Variants in ATP2C1 observed in about 807,000 individuals in gnomAD.
The protein encoded by ATP2C1 is calcium-transporting ATPase type 2C member 1.
A neutral mutation model predicts 120.5 loss-of-function variants in ATP2C1; 31 were observed. The ratio of observed to expected loss-of-function variants is 0.26; its 90% CI spans 0.19 to 0.35. The LOEUF is 0.35. Among genes scored for constraint, ATP2C1 ranks in the 10% least tolerant of loss-of-function variants. The pLI is 1.00. For missense variants in ATP2C1, 731 were observed against 1,107.5 expected (o/e 0.66, Z 4.83); for synonymous variants, 351 against 358.7 (o/e 0.98, Z 0.24).
At chr3:130,963,026 A>G (rs2060892680) in intron 12 of ATP2C1, 1 of 152,030 alleles carries the variant, frequency 6.6e-6, no homozygotes. Flanking sequence ...CAGTGGTAGA[A>G]TGAAGGGTTA....
chr3:130,887,455 G>A (rs1172375599), intron 1 of ATP2C1, among the ~76,000 whole-genome samples: 2 of 152,164 alleles, frequency 1.3e-5, no homozygotes, highest in African/African-American at 4.8e-5. Context: ...CAGAGATGGT[G>A]TATGGGAGCT....
intron 17 of ATP2C1, among the ~76,000 whole-genome samples, chr3:130,971,933 C>G (rs2061332920): frequency 6.6e-6 from 1 of 152,168 alleles, no homozygotes; most frequent in African/African-American, 2.4e-5. Flanking sequence ...GCTGGCATCT[C>G]CCTACTGTCA....
intron 2 of ATP2C1, among the ~76,000 whole-genome samples, chr3:130,915,685 C>T (rs1490596073): frequency 6.6e-6 from 1 of 151,926 alleles, no homozygotes; most frequent in Non-Finnish European, 1.5e-5. Flanking sequence ...TGTCGCAAGC[C>T]AACACAAAAA....
intron 20 of ATP2C1, among the ~76,000 whole-genome samples, chr3:130,986,184 CTTT>C (rs34877609): frequency 5.2e-5 from 7 of 135,140 alleles, no homozygotes; most frequent in Non-Finnish European, 7.8e-5. Flanking sequence ...TTGAATAGGG[CTTT>C]TTTTTTTTTT....
intron 1 of ATP2C1, among the ~76,000 whole-genome samples, chr3:130,874,206 A>G (rs1407518410): frequency 6.6e-6 from 1 of 152,142 alleles, no homozygotes; most frequent in Non-Finnish European, 1.5e-5. Context: ...AAGATCATCA[A>G]TGTTTAAGAA....
intron 13 of ATP2C1, 52 bp from the exon 14 acceptor site, chr3:130,964,896 C>T: frequency 7.5e-7 from 1 of 1,324,952 alleles, no homozygotes; most frequent in Non-Finnish European, 1.1e-6. Context: ...TTTAAGTGAA[C>T]CTATATTTCT....
chr3:130,850,624 T>C, exon 1 of ATP2C1: 1 of 410,786 alleles, frequency 2.4e-6, no homozygotes, highest in East Asian at 4.0e-5. Flanking sequence ...CTAGACAGTG[T>C]TCATACTTGG....
intron 20 of ATP2C1, 60 bp downstream of exon 20, chr3:130,980,739 A>C (rs1035496816): frequency 1.6e-6 from 2 of 1,214,018 alleles, no homozygotes; most frequent in East Asian, 4.7e-5. Context: ...TACCATTTCT[A>C]CTACTATCTT....
At chr3:130,992,879 G>C in intron 20 of ATP2C1, 72 bp from the exon 21 acceptor site, 1 of 1,242,490 alleles carries the variant, frequency 8.0e-7, no homozygotes, top group Non-Finnish European at 1.2e-6. Flanking sequence ...TTCATCATTA[G>C]TTATGAATGC....
At chr3:131,012,994 AG>A (rs1430689503) in intron 26 of ATP2C1, among the ~76,000 whole-genome samples, 2 of 152,254 alleles carry the variant, frequency 1.3e-5, no homozygotes, top group Non-Finnish European at 2.9e-5. Flanking sequence ...AGCTACCTTT[AG>A]GGCTATTCCT....
intron 8 of ATP2C1, among the ~76,000 whole-genome samples, chr3:130,948,910 C>A (rs2060257124): frequency 6.6e-6 from 1 of 152,126 alleles, no homozygotes; most frequent in African/African-American, 2.4e-5. Context: ...TTTGGGGCAT[C>A]ATTAACGATG....
At chr3:130,950,429 G>C (rs542059487) in intron 8 of ATP2C1, among the ~76,000 whole-genome samples, 1 of 152,188 alleles carries the variant, frequency 6.6e-6, no homozygotes, top group Admixed American at 6.5e-5. Context: ...TGAATGCAAT[G>C]AATAATGACT....
At position 130,967,316 on chromosome 3, in the gene ATP2C1, T is replaced by C. The variant is rs773073681; in HGVS notation, c.1219-14T>C. ...CACAGTGATAGGTTCATAGTTTATGTGTATTTTTCTTAGGCGGGCTGTGTG... is the reference window on the plus strand; with the variant it reads ...CACAGTGATAGGTTCATAGTTTATGCGTATTTTTCTTAGGCGGGCTGTGTG... On this transcript the variant is annotated splice_polypyrimidine_tract_variant and intron_variant, in intron 15 of 27. Coordinates refer to ENST00000510168, the MANE Select transcript of ATP2C1 (RefSeq NM_001378687.1). The C allele has an allele frequency of 1.9e-6, 3 of 1,613,432 alleles. No individual in the cohort carries two copies. In the East Asian group the frequency reaches 6.7e-5, roughly 36 times the overall value.
At chr3:130,961,026 CAG>C (rs888059320) in intron 12 of ATP2C1, among the ~76,000 whole-genome samples, 2 of 149,170 alleles carry the variant, frequency 1.3e-5, no homozygotes, top group African/African-American at 2.5e-5. Flanking sequence ...TACAAGGAAT[CAG>C]AATGAATAAG....
intron 1 of ATP2C1, among the ~76,000 whole-genome samples, chr3:130,881,436 A>C (rs187972357): frequency 6.7e-6 from 1 of 148,764 alleles, no homozygotes; most frequent in East Asian, 2.0e-4. Flanking sequence ...ATGGCTCACC[A>C]CAGCCTTGTC....
chr3:130,949,000 C>T (rs2060260564), intron 8 of ATP2C1, among the ~76,000 whole-genome samples: 1 of 152,066 alleles, frequency 6.6e-6, no homozygotes, highest in Non-Finnish European at 1.5e-5. Flanking sequence ...TTTCCTTCTC[C>T]TTGGGCTTTC....
chr3:131,016,329 C>T (rs1335478314), exon 27 of ATP2C1: 4 of 1,614,044 alleles, frequency 2.5e-6, no homozygotes, highest in Non-Finnish European at 2.5e-6. Flanking sequence ...CTTCCTGCAG[C>T]TCTTCCTTAC....
intron 1 of ATP2C1, among the ~76,000 whole-genome samples, chr3:130,851,524 A>G (rs916988922): frequency 1.3e-5 from 2 of 152,224 alleles, no homozygotes; most frequent in Non-Finnish European, 2.9e-5. Context: ...ACTTGGGAAT[A>G]TAAGCATTTT....
rs773409799 is a variant in ATP2C1, at chr3:130,955,345, A to G, written c.756+265A>G. 2.0e-5 allele frequency among the ~76,000 whole-genome samples: 3 copies of G among 152,054 alleles called. No homozygotes were observed. The South Asian group carries it at 6.2e-4, about 32-fold the overall frequency. ...TAGCCACTTATTTGTAGATCTTATT[A>G]TTTTCAGAAATTAGTGTTGTGGTAA... is the stretch of plus-strand genomic sequence containing the variant. On this transcript the variant is annotated intron_variant, in intron 10 of 27. Transcript: ENST00000510168.
Sources: allele counts gnomAD v4.1 joint callset (sites outside exome capture counted in the v4.1 genomes callset), GRCh38; gene constraint gnomAD v4.1.1; transcripts MANE v1.5; gene names NCBI Gene and HGNC (gene_info 2026-07-23, HGNC 2026-07-21).